The following C12orf42 variants were observed in gnomAD, a reference collection of about 807,000 sequenced individuals.
The protein encoded by C12orf42 is chromosome 12 open reading frame 42.
C12orf42 carries 25 observed loss-of-function variants against 21.6 expected under a neutral mutation model. The ratio of observed to expected loss-of-function variants is 1.16; its 90% CI spans 0.84 to 1.62. C12orf42 has a LOEUF of 1.62. C12orf42 is among the 40% of genes most tolerant of loss of function. The pLI is 0.00. For synonymous variants in C12orf42, 174 were observed against 175.0 expected (o/e 0.99, Z 0.05); for missense variants, 483 against 459.3 (o/e 1.05, Z -0.47).
chr12:103,213,224 G>A, the C12orf42 span, among the ~76,000 whole-genome samples: 6 of 152,138 alleles, frequency 3.9e-5, no homozygotes, highest in African/African-American at 1.2e-4. Context: ...CTTAACAATA[G>A]TACAGTGCTA....
At chr12:103,454,362 AT>A (rs2137543180) in intron 2 of C12orf42, among the ~76,000 whole-genome samples, 1 of 152,232 alleles carries the variant, frequency 6.6e-6, no homozygotes, top group African/African-American at 2.4e-5. Flanking sequence ...AAAATTCATG[AT>A]AATAATCTTA....
intron 4 of C12orf42, among the ~76,000 whole-genome samples, chr12:103,283,114 CTATTT>C (rs2036233777): frequency 6.6e-6 from 1 of 152,160 alleles, no homozygotes; most frequent in Admixed American, 6.5e-5. Flanking sequence ...ATTTCATATT[CTATTT>C]TTTCATATAA....
downstream of C12orf42, among the ~76,000 whole-genome samples, chr12:103,298,352 G>A (rs28440064): frequency 3.8e-4 from 58 of 152,092 alleles, no homozygotes; most frequent in South Asian, 0.011. Flanking sequence ...ACTCCCATTC[G>A]CAATTGCTTC....
intron 2 of C12orf42, among the ~76,000 whole-genome samples, chr12:103,436,952 AT>A (rs1462763178): frequency 8.1e-5 from 12 of 148,554 alleles, no homozygotes; most frequent in Middle Eastern, 3.4e-3. Context: ...CAGAATATAC[AT>A]TTTTTTCAGC....
chr12:103,158,417 C>T, the C12orf42 span, among the ~76,000 whole-genome samples: 1 of 152,148 alleles, frequency 6.6e-6, no homozygotes, highest in Non-Finnish European at 1.5e-5. Flanking sequence ...AACACATTCG[C>T]TTCCATTTCT....
At chr12:103,100,660 C>T in the C12orf42 span, among the ~76,000 whole-genome samples, 1 of 152,118 alleles carries the variant, frequency 6.6e-6, no homozygotes, top group Non-Finnish European at 1.5e-5. Flanking sequence ...GTTGACAGTA[C>T]AGTTAAATGA....
rs1050644432 is a variant in C12orf42, at chr12:103,473,470, C to A, written c.78+4879G>T. ...AGTGGCAACTACAGTCCTCAGGCTT[C>A]TTATCTATCCATTAATTCCACAGAT... On this transcript the variant is annotated intron_variant, in intron 2 of 5. Coordinates refer to ENST00000548883, the MANE Select transcript of C12orf42 (RefSeq NM_198521.5). 2.0e-5 allele frequency among the ~76,000 whole-genome samples: 3 copies of A among 152,192 alleles called. 1 individual carries two copies. The highest frequency in any genetic ancestry group is 4.8e-5 in the African/African-American group (2 of 41,440).
chr12:103,161,995 G>T, the C12orf42 span, among the ~76,000 whole-genome samples: 1 of 152,092 alleles, frequency 6.6e-6, no homozygotes, highest in Non-Finnish European at 1.5e-5. Flanking sequence ...CCACAGGTTT[G>T]GGGAATATAA....
the C12orf42 span, among the ~76,000 whole-genome samples, chr12:103,225,900 G>T: frequency 5.3e-5 from 8 of 152,222 alleles, no homozygotes; most frequent in African/African-American, 1.7e-4. Flanking sequence ...CGGCGTCCGT[G>T]TTGGTCTAAG....
At chr12:103,554,221 T>C in the C12orf42 span, among the ~76,000 whole-genome samples, 1 of 152,106 alleles carries the variant, frequency 6.6e-6, no homozygotes, top group Non-Finnish European at 1.5e-5. Context: ...ATCAGGGCAC[T>C]ATGCTTTTCC....
At chr12:103,539,727 C>G in the C12orf42 span, among the ~76,000 whole-genome samples, 1 of 149,770 alleles carries the variant, frequency 6.7e-6, no homozygotes, top group Non-Finnish European at 1.5e-5. Flanking sequence ...TTACAGGTGT[C>G]TGCCACTACA....
At chr12:103,141,135 T>C in the C12orf42 span, among the ~76,000 whole-genome samples, 58 of 152,306 alleles carry the variant, frequency 3.8e-4, no homozygotes, top group African/African-American at 1.2e-3. Flanking sequence ...ACCTGTAATC[T>C]TTACTAAACA....
At chr12:103,512,436 G>A in the C12orf42 span, among the ~76,000 whole-genome samples, 1 of 107,576 alleles carries the variant, frequency 9.3e-6, no homozygotes, top group Non-Finnish European at 2.0e-5. Context: ...ACAATGTATT[G>A]TGTATTTCAA....
At chr12:103,122,080 T>A in the C12orf42 span, among the ~76,000 whole-genome samples, 1 of 152,194 alleles carries the variant, frequency 6.6e-6, no homozygotes, top group Non-Finnish European at 1.5e-5. Flanking sequence ...TAGATGGTAA[T>A]AGACAGCAGA....
the C12orf42 span, among the ~76,000 whole-genome samples, chr12:103,054,063 A>T: frequency 1.3e-5 from 2 of 151,972 alleles, no homozygotes; most frequent in Admixed American, 1.3e-4. Context: ...CATTTTAGTT[A>T]ATTCAGTTTA....
intron 2 of C12orf42, among the ~76,000 whole-genome samples, chr12:103,423,371 T>C (rs1325202016): frequency 2.6e-5 from 4 of 152,242 alleles, no homozygotes; most frequent in Admixed American, 1.3e-4. Context: ...TGGCCTGTTG[T>C]ATTCATAAAT....
At chr12:103,337,602 T>C (rs1028904672) in intron 4 of C12orf42, among the ~76,000 whole-genome samples, 1 of 152,198 alleles carries the variant, frequency 6.6e-6, no homozygotes, top group Non-Finnish European at 1.5e-5. Context: ...TCTGCCAGCC[T>C]TGGCCTCCCA....
intron 3 of C12orf42, among the ~76,000 whole-genome samples, chr12:103,376,666 GTTTGT>G (rs1164507491): frequency 6.6e-6 from 1 of 152,100 alleles, no homozygotes; most frequent in Non-Finnish European, 1.5e-5. Flanking sequence ...TCTGGGAGAT[GTTTGT>G]TTTATTTGTA....
At chr12:103,217,490 C>T in the C12orf42 span, among the ~76,000 whole-genome samples, 2 of 150,128 alleles carry the variant, frequency 1.3e-5, no homozygotes, top group Non-Finnish European at 1.5e-5. Context: ...GATCATACCA[C>T]TGCCCTTCAG....
Sources: gnomAD v4.1 joint callset for allele counts (sites outside exome capture counted in the v4.1 genomes callset) on GRCh38, gnomAD v4.1.1 for gene constraint, MANE v1.5 for transcripts, NCBI Gene and HGNC (gene_info 2026-07-23, HGNC 2026-07-21) for gene names.